Variants in PLEC observed in about 807,000 individuals in gnomAD.
PLEC encodes plectin, also known as hemidesmosomal protein 1.
PLEC carries 216 observed loss-of-function variants against 392.8 expected under a neutral mutation model. That is an observed-to-expected ratio of 0.55 (90% CI 0.49 to 0.62). The LOEUF (loss-of-function observed/expected upper bound fraction) is 0.62. Among genes scored for constraint, PLEC ranks in the 20% least tolerant of loss-of-function variants. The pLI is 0.00. For synonymous variants in PLEC, 3,621 were observed against 2,980.6 expected (o/e 1.21, Z -7.00); for missense variants, 6,863 against 6,563.4 (o/e 1.05, Z -1.58).
rs1564077346 is a variant in PLEC, at chr8:143,927,050, G to A, written c.3872C>T (p.Ala1291Val). The A allele has an allele frequency of 9.9e-6, 16 of 1,611,868 alleles. No homozygotes were observed. Among genetic ancestry groups the A allele is most frequent in the Admixed American group, 1.7e-5 (1 of 60,002 alleles). ...CGGGGAGGCCACCGGCTCAAGCTGCGCCTTGTACGTCACCAGCTGGAGTTC... is the reference window on the plus strand; with the variant it reads ...CGGGGAGGCCACCGGCTCAAGCTGCACCTTGTACGTCACCAGCTGGAGTTC... ...DYELQLVTYK[A>V]QLEPVASPAK... Residue 1291 changes from alanine to valine, a missense_variant, in exon 29 of 32, where the codon GCG (alanine) becomes GTG (valine). By Grantham distance (64) the Ala-to-Val change is moderately conservative. Transcript: ENST00000345136.
chr8:143,929,834 G>C lies in PLEC; in HGVS notation c.2740-5C>G. Reference sequence around the variant, plus strand: ...CTCTGGCTTCAGGGTGCGGAACTGGGGGAAGCACGTGGGGCTGAGTGCCGG... The same window carrying C: ...CTCTGGCTTCAGGGTGCGGAACTGGCGGAAGCACGTGGGGCTGAGTGCCGG... On this transcript the variant is annotated splice_region_variant and splice_polypyrimidine_tract_variant and intron_variant, in intron 22 of 31. Transcript: ENST00000345136. 1 of 1,599,638 alleles carries C rather than the reference G, an allele frequency of 6.3e-7. No homozygotes were observed. Among genetic ancestry groups the C allele is most frequent in the South Asian group, 1.1e-5 (1 of 90,920 alleles).
At chr8:143,944,984 AG>A (rs1297814132) in intron 1 of PLEC, among the ~76,000 whole-genome samples, 1 of 148,216 alleles carries the variant, frequency 6.7e-6, no homozygotes, top group Non-Finnish European at 1.5e-5. Flanking sequence ...CAGCTCCCAC[AG>A]GGGGTTCTAA....
Position 143,918,830 on chromosome 8 carries a change from T to C in PLEC, c.10991A>G (p.Asn3664Ser), listed in dbSNP as rs782426059. 7 of 1,612,792 alleles carry C rather than the reference T, an allele frequency of 4.3e-6. No individual in the cohort carries two copies. The highest frequency in any genetic ancestry group is 5.1e-6 in the Non-Finnish European group (6 of 1,179,940). Residue 3664 changes from asparagine to serine, a missense_variant, in exon 32 of 32, where the codon AAC becomes AGC. Coordinates refer to ENST00000345136, the MANE Select transcript of PLEC (RefSeq NM_201384.3). ...EARIISLETYNLLREGTRSLR... is the reference protein window; with the variant it reads ...EARIISLETYSLLREGTRSLR... ...GCTCCTGGTGCCCTCCCGGAGCAGG[T>C]TGTAGGTCTCGAGAGAGATGATCCG...
At chr8:143,967,771 G>T (rs1449754594) in intron 1 of PLEC, among the ~76,000 whole-genome samples, 1 of 151,898 alleles carries the variant, frequency 6.6e-6, no homozygotes, top group Admixed American at 6.6e-5. Flanking sequence ...TTGTGAATAG[G>T]CAGTTCACAA....
chr8:143,940,245 A>G (rs1554727711), upstream of PLEC, among the ~76,000 whole-genome samples: 1 of 152,002 alleles, frequency 6.6e-6, no homozygotes, highest in African/African-American at 2.4e-5. Flanking sequence ...CCACCTGCGG[A>G]GCCCACCCTG....
intron 18 of PLEC, 88 bp downstream of exon 18, chr8:143,931,849 G>C: frequency 7.0e-7 from 1 of 1,425,008 alleles, no homozygotes; most frequent in Non-Finnish European, 9.7e-7. Context: ...GCAGACAGGA[G>C]GGCTCCTGAT....
intron 1 of PLEC, among the ~76,000 whole-genome samples, chr8:143,949,068 C>T (rs1008014374): frequency 9.9e-5 from 15 of 152,224 alleles, no homozygotes; most frequent in Non-Finnish European, 2.2e-4. Flanking sequence ...CTCACTGATC[C>T]TCCCAGATGG....
chr8:143,939,467 C>T lies in PLEC; in HGVS notation c.-6G>A, dbSNP rs782193077. On this transcript the variant is annotated 5_prime_UTR_variant, in exon 1 of 32. Coordinates refer to ENST00000345136, the MANE Select transcript of PLEC (RefSeq NM_201384.3). ...CGGAGCTGGTGCTGAGACATGCTGC[C>T]CCCACACCTTCGTCGCCCGGACCCT... 6.2e-7 allele frequency: 1 copy of T among 1,609,830 alleles called. No homozygotes were observed. The highest frequency in any genetic ancestry group is 1.1e-5 in the South Asian group (1 of 90,334).
chr8:143,953,493 C>T (rs1317966390), upstream of PLEC, among the ~76,000 whole-genome samples: 1 of 151,950 alleles, frequency 6.6e-6, no homozygotes, highest in Non-Finnish European at 1.5e-5. Context: ...AGCCACCCCG[C>T]CCCCGACGCT....
In PLEC at chr8:143,950,813, G is replaced by A. The variant is rs1832070385; in HGVS notation, c.-107C>T. The stretch of plus-strand genomic sequence containing the variant: ...CTCCCGCGCTACAGGGTGTGACAGC[G>A]GGCAGCGGCAGGGCAGGCGGGCGGG... On this transcript the variant is annotated 5_prime_UTR_variant, in exon 1 of 32. Transcript: ENST00000322810. 1.3e-5 allele frequency: 20 copies of A among 1,503,764 alleles called. No individual in the cohort carries two copies. In the East Asian group the frequency reaches 3.0e-4, roughly 22 times the overall value. The allele number at this position is 1,503,764 out of a possible 1,614,324, so 93.2% of individuals were successfully genotyped here.
upstream of PLEC, among the ~76,000 whole-genome samples, chr8:143,941,270 G>A (rs1554728519): frequency 6.6e-6 from 1 of 152,234 alleles, no homozygotes; most frequent in African/African-American, 2.4e-5. Context: ...GAACAGCCAG[G>A]GAGGTGGGCA....
At position 143,935,810 on chromosome 8, in the gene PLEC, C is replaced by A. The variant is rs782130770; in HGVS notation, c.602+38G>T. On this transcript the variant is annotated intron_variant, in intron 6 of 31. Coordinates refer to ENST00000345136, the MANE Select transcript of PLEC (RefSeq NM_201384.3). ...GCCTAGTGGAGGCGCTGTGGGGGTG[C>A]CCCCAGCCCACAGCCCCCTGCCCCC... 5.6e-6 allele frequency: 9 copies of A among 1,604,364 alleles called. No homozygotes were observed. In the East Asian group the frequency reaches 8.9e-5, roughly 16 times the overall value.
intron 1 of PLEC, among the ~76,000 whole-genome samples, chr8:143,972,448 G>A (rs951220036): frequency 1.3e-5 from 2 of 152,198 alleles, no homozygotes; most frequent in East Asian, 1.9e-4. Flanking sequence ...AGATGAGTTC[G>A]GGGCACCATG....
Position 143,922,992 on chromosome 8 carries a change from T to G in PLEC, c.6937A>C (p.Lys2313Gln). 6.2e-7 allele frequency: 1 copy of G among 1,611,772 alleles called. No individual in the cohort carries two copies. The change falls in exon 31 of 32, where the codon AAG becomes CAG. Residue 2313 changes from lysine to glutamine, a missense_variant. Physicochemically the swap from Lys to Gln is moderately conservative, Grantham distance 53. Coordinates refer to ENST00000345136, the MANE Select transcript of PLEC (RefSeq NM_201384.3). ...TCCTGCACCGCCTGCATCTTCTCCT[T>G]GAGCATCTTCTCTGCCAAGGCCCGC... Reference protein sequence around the residue: ...QQRALAEKMLKEKMQAVQEAT... With the variant: ...QQRALAEKMLQEKMQAVQEAT...
At chr8:143,949,805 GCACCTCCTCGCACACCCC>G (rs1229471527) in intron 1 of PLEC, among the ~76,000 whole-genome samples, 27 of 152,194 alleles carry the variant, frequency 1.8e-4, no homozygotes, top group Non-Finnish European at 3.8e-4. Flanking sequence ...ACCGGCGCCA[GCACCTCCTCGCACACCCC>G]CACCTCAGTG....
chr8:143,974,823 C>G (rs558222665), upstream of PLEC, among the ~76,000 whole-genome samples: 1 of 152,230 alleles, frequency 6.6e-6, no homozygotes, highest in East Asian at 1.9e-4. This position sits in a 1 kb window ranked among gnomAD's most constrained non-coding sequence, Gnocchi z 5.9. Flanking sequence ...TACCCCCTCC[C>G]TATACACTGC....
rs781792909 is a variant in PLEC, at chr8:143,919,182, C to G, written c.10639G>C (p.Glu3547Gln). Residue 3547 changes from glutamate (E) to glutamine (Q), a missense_variant, in exon 32 of 32, where the codon GAG becomes CAG. Coordinates refer to ENST00000345136, the MANE Select transcript of PLEC (RefSeq NM_201384.3). ...GLRLLPLKGA[E>Q]KAEVVETTQV... ...GTGGTCTCCACCACCTCAGCCTTCT[C>G]CGCCCCTTTCAGTGGCAGAAGGCGC... The G allele has an allele frequency of 1.9e-6, 3 of 1,613,846 alleles. No homozygotes were observed. The South Asian group carries it at 3.3e-5, about 18-fold the overall frequency.
chr8:143,931,711 C>T (rs1554715684), intron 18 of PLEC, 52 bp from the exon 19 acceptor site: 1 of 1,573,148 alleles, frequency 6.4e-7, no homozygotes. Context: ...AGAGCCCCAG[C>T]CCACAGTTGT....
upstream of PLEC, among the ~76,000 whole-genome samples, chr8:143,952,220 A>ACACACACGCG (rs782520190): frequency 4.9e-3 from 687 of 139,860 alleles, 2 homozygotes; most frequent in Middle Eastern, 0.011. Flanking sequence ...GCGCGCACAC[A>ACACACACGCG]CGCACGCGCA....
Sources: allele counts gnomAD v4.1 joint callset (sites outside exome capture counted in the v4.1 genomes callset), GRCh38; gene constraint gnomAD v4.1.1; non-coding constraint Gnocchi (gnomAD v3.1); transcripts MANE v1.5; gene names NCBI Gene and HGNC (gene_info 2026-07-23, HGNC 2026-07-21).